The following UGT1A8 variants were observed in gnomAD, a reference collection of about 807,000 sequenced individuals.
The protein encoded by UGT1A8 is UDP-glucuronosyltransferase 1A8.
In UGT1A8, 39 loss-of-function variants were observed where a neutral mutation model predicts 45.3. The ratio of observed to expected loss-of-function variants is 0.86; its 90% CI spans 0.67 to 1.12. UGT1A8 has a LOEUF of 1.12. Ranked by LOEUF, UGT1A8 falls within the 50% of genes most tolerant of loss-of-function variation. UGT1A8 has a pLI of 0.00. For synonymous variants in UGT1A8, 275 were observed against 249.2 expected (o/e 1.10, Z -0.97); for missense variants, 719 against 664.9 (o/e 1.08, Z -0.90).
intron 1 of UGT1A8, among the ~76,000 whole-genome samples, chr2:233,633,128 G>T (rs892618091): frequency 6.6e-6 from 1 of 152,186 alleles, no homozygotes; most frequent in South Asian, 2.1e-4. Flanking sequence ...ATTTGTGTAT[G>T]TTGGACCAGC....
At chr2:233,760,501 G>A (rs2125985080) in intron 1 of UGT1A8, 3 of 1,614,238 alleles carry the variant, frequency 1.9e-6, no homozygotes, top group Non-Finnish European at 2.5e-6. Flanking sequence ...CAGAGACGGA[G>A]CATTTTACAC....
At chr2:233,649,900 T>G (rs1650868384) in intron 1 of UGT1A8, among the ~76,000 whole-genome samples, 1 of 152,156 alleles carries the variant, frequency 6.6e-6, no homozygotes, top group African/African-American at 2.4e-5. Flanking sequence ...TGCTTTGTCT[T>G]CATTATCATA....
chr2:233,676,462 T>C (rs2074361743), intron 1 of UGT1A8, among the ~76,000 whole-genome samples: 1 of 152,212 alleles, frequency 6.6e-6, no homozygotes, highest in Non-Finnish European at 1.5e-5. Context: ...CCATCACAAC[T>C]CATTCACCAA....
intron 1 of UGT1A8, chr2:233,753,221 C>G (rs1559397626): frequency 6.6e-6 from 1 of 152,156 alleles, no homozygotes; most frequent in East Asian, 1.9e-4. Context: ...TATTTTGATA[C>G]TTCTTGTATA....
intron 1 of UGT1A8, among the ~76,000 whole-genome samples, chr2:233,658,208 AG>A (rs1445240288): frequency 6.6e-6 from 1 of 151,956 alleles, no homozygotes; most frequent in Non-Finnish European, 1.5e-5. Context: ...TAGTAGACAC[AG>A]GGTTTCACCA....
intron 1 of UGT1A8, among the ~76,000 whole-genome samples, chr2:233,631,105 C>T (rs1045074914): frequency 3.9e-5 from 6 of 152,050 alleles, no homozygotes. Context: ...GTTCTCTGTT[C>T]TTGTGTTAGT....
chr2:233,682,021 G>A (rs1175054250), intron 1 of UGT1A8: 23 of 1,614,032 alleles, frequency 1.4e-5, no homozygotes, highest in Non-Finnish European at 1.9e-5. Context: ...CAGGGAAGCT[G>A]CTGGTAGTGC....
chr2:233,763,660 ACTC>A (rs2126005319), intron 1 of UGT1A8, among the ~76,000 whole-genome samples: 1 of 152,174 alleles, frequency 6.6e-6, no homozygotes, highest in South Asian at 2.1e-4. Context: ...TCTTGATAAA[ACTC>A]CTGAACTTTA....
At chr2:233,635,781 A>G (rs2073275663) in intron 1 of UGT1A8, among the ~76,000 whole-genome samples, 1 of 151,010 alleles carries the variant, frequency 6.6e-6, no homozygotes, top group Non-Finnish European at 1.5e-5. Context: ...ATATAGAAGT[A>G]GAGCAGTCAC....
At chr2:233,750,527 A>G (rs552056379) in intron 1 of UGT1A8, 33 of 152,112 alleles carry the variant, frequency 2.2e-4, no homozygotes, top group Admixed American at 4.6e-4. Flanking sequence ...ACAATGGGGA[A>G]AATGGCTTCA....
At chr2:233,652,525 T>C (rs1016760523) in intron 1 of UGT1A8, among the ~76,000 whole-genome samples, 1 of 152,214 alleles carries the variant, frequency 6.6e-6, no homozygotes, top group African/African-American at 2.4e-5. Flanking sequence ...ATAGCCACAA[T>C]ATCATTATCA....
At chr2:233,650,211 C>T (rs1174714816) in intron 1 of UGT1A8, among the ~76,000 whole-genome samples, 2 of 152,182 alleles carry the variant, frequency 1.3e-5, no homozygotes, top group African/African-American at 4.8e-5. Flanking sequence ...CTCAGGTGAT[C>T]TGCCTGCCTC....
rs776227074 is a variant in UGT1A8, at chr2:233,767,898, C to T, written c.1037C>T (p.Thr346Met). 11 of 1,614,034 alleles carry T rather than the reference C, an allele frequency of 6.8e-6. No homozygotes were observed. Among genetic ancestry groups the T allele is most frequent in the East Asian group, 4.5e-5 (2 of 44,894 alleles). ...GTRPSNLANN[T>M]ILVKWLPQND... Reference sequence around the variant, plus strand: ...CGACCATCGAATCTTGCGAACAACACGATACTTGTTAAGTGGCTACCCCAA... The same window carrying T: ...CGACCATCGAATCTTGCGAACAACATGATACTTGTTAAGTGGCTACCCCAA... Residue 346 changes from threonine (T) to methionine (M), a missense_variant, in exon 3 of 5, where the codon ACG (threonine) becomes ATG (methionine). Transcript: ENST00000373450.
intron 1 of UGT1A8, among the ~76,000 whole-genome samples, chr2:233,619,591 A>C (rs552844886): frequency 5.9e-5 from 9 of 152,280 alleles, no homozygotes; most frequent in Admixed American, 1.3e-4. Flanking sequence ...CATAAATAAA[A>C]ATTTTCACTA....
At chr2:233,728,122 T>C (rs534141246) in intron 1 of UGT1A8, among the ~76,000 whole-genome samples, 2 of 152,362 alleles carry the variant, frequency 1.3e-5, no homozygotes, top group Non-Finnish European at 2.9e-5. Context: ...TCTTGAAATT[T>C]GGACTAGGGC....
chr2:233,733,221 G>A (rs531413389), intron 1 of UGT1A8, among the ~76,000 whole-genome samples: 6 of 152,072 alleles, frequency 3.9e-5, no homozygotes, highest in African/African-American at 1.4e-4. Context: ...GAGACAATGG[G>A]GTTTTCTAAA....
chr2:233,752,390 G>A (rs1694961532), intron 1 of UGT1A8: 2 of 152,134 alleles, frequency 1.3e-5, no homozygotes, highest in Admixed American at 1.3e-4. Flanking sequence ...TGCAACAGAG[G>A]AAATGCCCCT....
intron 1 of UGT1A8, among the ~76,000 whole-genome samples, chr2:233,761,736 C>T (rs111883427): frequency 6.5e-4 from 99 of 152,322 alleles, no homozygotes; most frequent in African/African-American, 2.3e-3. Flanking sequence ...TATTTTTCCC[C>T]TACAGAGTTT....
At position 233,736,090 on chromosome 2, in the gene UGT1A8, T is replaced by C. The variant is rs1422886640; in HGVS notation, c.856-30944T>C. ...AGGTTTGGGAAGTTCTCCTGGATAA[T>C]ATCCTGAAGAGTGTTTTCCAACTTG... On this transcript the variant is annotated intron_variant, in intron 1 of 4. Coordinates refer to ENST00000373450, the MANE Select transcript of UGT1A8 (RefSeq NM_019076.5). Among the ~76,000 whole-genome samples, 4 of 152,378 alleles carry C rather than the reference T, an allele frequency of 2.6e-5. No homozygotes were observed. The East Asian group carries it at 7.7e-4, about 29-fold the overall frequency.
Sources: allele counts gnomAD v4.1 joint callset (sites outside exome capture counted in the v4.1 genomes callset), GRCh38; gene constraint gnomAD v4.1.1; transcripts MANE v1.5; gene names NCBI Gene and HGNC (gene_info 2026-07-23, HGNC 2026-07-21).